Variants in SLC30A8 observed in about 807,000 individuals in gnomAD.
SLC30A8 encodes the protein proton-coupled zinc antiporter SLC30A8.
SLC30A8 carries 27 observed loss-of-function variants against 36.9 expected under a neutral mutation model. The ratio of observed to expected loss-of-function variants is 0.73; its 90% CI spans 0.54 to 1.01. The LOEUF (loss-of-function observed/expected upper bound fraction) is 1.01. Among genes scored for constraint, SLC30A8 ranks in the 50% least tolerant of loss-of-function variants. SLC30A8 has a pLI of 0.00. For missense variants in SLC30A8, 439 were observed against 452.0 expected (o/e 0.97, Z 0.26); for synonymous variants, 164 against 172.4 (o/e 0.95, Z 0.38).
At chr8:117,147,181 T>G (rs761027904) in intron 2 of SLC30A8, 28 bp downstream of exon 2, 1 of 1,599,368 alleles carries the variant, frequency 6.3e-7, no homozygotes, top group East Asian at 2.2e-5. Flanking sequence ...CTTTTTTCAT[T>G]AAACAACCAA....
chr8:117,052,930 G>A (rs1817755552), intron 2 of SLC30A8, among the ~76,000 whole-genome samples: 2 of 145,320 alleles, frequency 1.4e-5, no homozygotes, highest in Admixed American at 6.9e-5. Flanking sequence ...TTATTGAGAC[G>A]AAATCTCGTT....
At chr8:117,159,441 G>A (rs995940155) in intron 4 of SLC30A8, among the ~76,000 whole-genome samples, 11 of 152,128 alleles carry the variant, frequency 7.2e-5, no homozygotes, top group African/African-American at 2.4e-4. Context: ...AGGTCCTCAG[G>A]TCATTCTAAC....
intron 2 of SLC30A8, among the ~76,000 whole-genome samples, chr8:117,042,239 C>G (rs1483202745): frequency 6.6e-6 from 1 of 152,168 alleles, no homozygotes; most frequent in African/African-American, 2.4e-5. Flanking sequence ...TAACAATGTC[C>G]TAATGCCAAT....
chr8:117,069,855 A>C (rs1818275307), intron 2 of SLC30A8, among the ~76,000 whole-genome samples: 1 of 152,222 alleles, frequency 6.6e-6, no homozygotes, highest in South Asian at 2.1e-4. Context: ...TGCCTATGGG[A>C]AGATGGCCCA....
At chr8:117,099,703 A>G (rs1819624680) in intron 2 of SLC30A8, among the ~76,000 whole-genome samples, 1 of 152,206 alleles carries the variant, frequency 6.6e-6, no homozygotes, top group Non-Finnish European at 1.5e-5. Flanking sequence ...TATGAATAAG[A>G]TTCCTGCTCA....
At chr8:116,956,660 A>G (rs1408528110) in intron 1 of SLC30A8, among the ~76,000 whole-genome samples, 1 of 152,226 alleles carries the variant, frequency 6.6e-6, no homozygotes, top group Non-Finnish European at 1.5e-5. Context: ...TCTCTCTCTT[A>G]TTTAATCCCA....
intron 2 of SLC30A8, among the ~76,000 whole-genome samples, chr8:117,104,534 T>C (rs1456104434): frequency 3.3e-5 from 5 of 152,094 alleles, no homozygotes; most frequent in East Asian, 1.9e-4. Flanking sequence ...TCTAAAACAA[T>C]AGAAATTTCC....
intron 3 of SLC30A8, among the ~76,000 whole-genome samples, chr8:117,155,253 GT>G (rs1822417128): frequency 6.6e-6 from 1 of 152,100 alleles, no homozygotes; most frequent in Non-Finnish European, 1.5e-5. Context: ...CTTGCTCTTG[GT>G]ATTGAGCTTT....
At chr8:117,172,467 G>T in intron 7 of SLC30A8, 69 bp from the exon 8 acceptor site, 1 of 1,606,956 alleles carries the variant, frequency 6.2e-7, no homozygotes, top group South Asian at 1.1e-5. Context: ...AGTACTTGAA[G>T]TTGGAGTCAG....
intron 1 of SLC30A8, among the ~76,000 whole-genome samples, chr8:116,985,293 T>C (rs867965861): frequency 1.4e-3 from 192 of 140,272 alleles, no homozygotes; most frequent in African/African-American, 2.4e-3. Flanking sequence ...CTCACACACA[T>C]ACACACACAC....
chr8:116,953,904 A>G (rs1437069862), intron 1 of SLC30A8, among the ~76,000 whole-genome samples: 2 of 152,166 alleles, frequency 1.3e-5, no homozygotes, highest in African/African-American at 4.8e-5. Flanking sequence ...GAGGATTCTC[A>G]TATTTGCTTT....
intron 2 of SLC30A8, among the ~76,000 whole-genome samples, chr8:117,045,248 T>C (rs1031110478): frequency 6.6e-6 from 1 of 152,166 alleles, no homozygotes; most frequent in Non-Finnish European, 1.5e-5. Flanking sequence ...TTTTACAATC[T>C]GGATGGAGGA....
chr8:117,040,003 T>G lies in SLC30A8; in HGVS notation c.-226+745T>G, dbSNP rs2130754726. ...ATGCTAATATGTCTGTGCTAACATC[T>G]GAAATTCAAGTTCACTGTTTTTCTT... On this transcript the variant is annotated intron_variant, in intron 2 of 10. Coordinates refer to the SLC30A8 transcript ENST00000427715. 1.3e-5 allele frequency among the ~76,000 whole-genome samples: 2 copies of G among 152,368 alleles called. 1 individual carries two copies. Among genetic ancestry groups the G allele is most frequent in the Middle Eastern group, 6.8e-3 (2 of 294 alleles).
intron 2 of SLC30A8, among the ~76,000 whole-genome samples, chr8:117,041,082 G>C (rs145407280): frequency 6.6e-6 from 1 of 152,186 alleles, no homozygotes; most frequent in African/African-American, 2.4e-5. Flanking sequence ...GGATTCCGCG[G>C]TGCCAAACCA....
intron 1 of SLC30A8, among the ~76,000 whole-genome samples, chr8:117,138,333 ATT>A (rs1821466958): frequency 2.6e-5 from 4 of 152,024 alleles, no homozygotes; most frequent in Admixed American, 2.6e-4. Context: ...CATGCAGAAA[ATT>A]AATAATTATT....
At chr8:117,007,545 A>G (rs1218322479) in intron 1 of SLC30A8, among the ~76,000 whole-genome samples, 1 of 152,236 alleles carries the variant, frequency 6.6e-6, no homozygotes, top group African/African-American at 2.4e-5. Context: ...CTGAACAGCC[A>G]TGTGCTTACC....
chr8:117,057,767 T>G (rs1817916746), intron 2 of SLC30A8, among the ~76,000 whole-genome samples: 1 of 152,192 alleles, frequency 6.6e-6, no homozygotes, highest in Non-Finnish European at 1.5e-5. Context: ...CTACACTATA[T>G]TTTTAAAAAG....
At chr8:116,980,723 ACT>A (rs1412662427) in intron 1 of SLC30A8, among the ~76,000 whole-genome samples, 2 of 151,800 alleles carry the variant, frequency 1.3e-5, no homozygotes, top group African/African-American at 4.8e-5. Flanking sequence ...ATGAAGGAAC[ACT>A]CTCAAAACAC....
intron 1 of SLC30A8, among the ~76,000 whole-genome samples, chr8:116,953,036 T>G (rs983144303): frequency 2.6e-5 from 4 of 151,834 alleles, no homozygotes; most frequent in Non-Finnish European, 5.9e-5. Flanking sequence ...TTCTCTCCCC[T>G]TTTAGTAGAC....
Sources: gnomAD v4.1 joint callset for allele counts (sites outside exome capture counted in the v4.1 genomes callset) on GRCh38, gnomAD v4.1.1 for gene constraint, MANE v1.5 for transcripts, NCBI Gene and HGNC (gene_info 2026-07-23, HGNC 2026-07-21) for gene names.